The following LRRTM4 variants were observed in gnomAD, a reference collection of about 807,000 sequenced individuals.
LRRTM4 encodes the protein leucine rich repeat transmembrane neuronal 4.
LRRTM4 carries 25 observed loss-of-function variants against 47.6 expected under a neutral mutation model. That is an observed-to-expected ratio of 0.53 (90% CI 0.38 to 0.73). The LOEUF (loss-of-function observed/expected upper bound fraction) is 0.73. Among genes scored for constraint, LRRTM4 ranks in the 30% least tolerant of loss-of-function variants. The pLI, the probability that LRRTM4 is intolerant of heterozygous loss-of-function variation, is 0.00. For missense variants in LRRTM4, 638 were observed against 713.4 expected (o/e 0.89, Z 1.20); for synonymous variants, 311 against 269.5 (o/e 1.15, Z -1.51).
chr2:77,329,314 T>C (rs1670887221), intron 3 of LRRTM4, among the ~76,000 whole-genome samples: 1 of 152,220 alleles, frequency 6.6e-6, no homozygotes. Flanking sequence ...ATTTAGTGAA[T>C]GCCTAATGTG....
rs60785664 is a variant in LRRTM4, at chr2:77,469,385, G to GA, written c.1551+48932dup. Among the ~76,000 whole-genome samples, 471 of 152,026 alleles carry GA rather than the reference G, an allele frequency of 3.1e-3. 3 individuals are homozygous for GA. Among genetic ancestry groups the GA allele is most frequent in the African/African-American group, 0.011 (439 of 41,486 alleles). On this transcript the variant is annotated intron_variant, in intron 3 of 3. Transcript: ENST00000409884. ...AAGAGAGAATGTGTCAGGGGGGCAG[G>GA]AAAAAAATCCTACAAAGAATTCAAA...
At chr2:77,259,414 C>A (rs949757638) in intron 3 of LRRTM4, among the ~76,000 whole-genome samples, 4 of 152,016 alleles carry the variant, frequency 2.6e-5, no homozygotes, top group African/African-American at 4.8e-5. Flanking sequence ...CATAAATCAT[C>A]ATTATTTATA....
chr2:77,453,222 C>T (rs1315773046), intron 3 of LRRTM4, among the ~76,000 whole-genome samples: 1 of 131,836 alleles, frequency 7.6e-6, no homozygotes, highest in East Asian at 2.2e-4. Context: ...CGCTGTGTTG[C>T]CCAGGCTGGA....
In LRRTM4 at chr2:77,159,249, A is replaced by T. The variant is rs1336243980; in HGVS notation, c.1551+359069T>A. The stretch of plus-strand genomic sequence containing the variant: ...CCCAAAAACATAACCACTAATAGCC[A>T]CCTGTTGACCAGAAATCTTACTGAG... On this transcript the variant is annotated intron_variant, in intron 3 of 3. Coordinates refer to ENST00000409884, the MANE Select transcript of LRRTM4 (RefSeq NM_001134745.3). 2.6e-5 allele frequency among the ~76,000 whole-genome samples: 4 copies of T among 152,152 alleles called. No individual in the cohort carries two copies. In the East Asian group the frequency reaches 7.7e-4, roughly 29 times the overall value.
At chr2:77,248,103 T>A (rs1466277482) in intron 3 of LRRTM4, among the ~76,000 whole-genome samples, 1 of 150,954 alleles carries the variant, frequency 6.6e-6, no homozygotes, top group Non-Finnish European at 1.5e-5. Flanking sequence ...TACATAAATA[T>A]GTATATATTA....
chr2:77,079,799 T>A (rs1405072917), intron 3 of LRRTM4, among the ~76,000 whole-genome samples: 1 of 152,148 alleles, frequency 6.6e-6, no homozygotes, highest in Admixed American at 6.5e-5. Flanking sequence ...AATAGAATGA[T>A]GGTGATTTTT....
At chr2:77,163,351 T>C (rs900903803) in intron 3 of LRRTM4, among the ~76,000 whole-genome samples, 13 of 152,282 alleles carry the variant, frequency 8.5e-5, no homozygotes, top group East Asian at 7.7e-4. Context: ...CTACGTCTGA[T>C]TGGTGTACCT....
chr2:76,900,953 C>T (rs1299615585), intron 3 of LRRTM4, among the ~76,000 whole-genome samples: 2 of 152,048 alleles, frequency 1.3e-5, no homozygotes, highest in Non-Finnish European at 2.9e-5. Context: ...CATTTTCTAA[C>T]ATTTCTTTCT....
intron 3 of LRRTM4, among the ~76,000 whole-genome samples, chr2:76,786,535 A>ATCCTT (rs1674683264): frequency 6.6e-6 from 1 of 151,984 alleles, no homozygotes; most frequent in African/African-American, 2.4e-5. Flanking sequence ...AGCTCTTTGA[A>ATCCTT]GGAGTTGTCT....
intron 3 of LRRTM4, among the ~76,000 whole-genome samples, chr2:77,263,897 T>C (rs1675983188): frequency 1.3e-5 from 2 of 152,102 alleles, no homozygotes; most frequent in Non-Finnish European, 1.5e-5. Context: ...TTGAGGAGTG[T>C]TCTAATGTTT....
At chr2:77,001,838 A>G (rs528063960) in intron 3 of LRRTM4, among the ~76,000 whole-genome samples, 37 of 152,188 alleles carry the variant, frequency 2.4e-4, no homozygotes, top group East Asian at 1.4e-3. Flanking sequence ...TGCCTAAACA[A>G]TAACGGATCT....
chr2:77,492,311 G>A (rs1434782732), intron 3 of LRRTM4, among the ~76,000 whole-genome samples: 1 of 152,070 alleles, frequency 6.6e-6, no homozygotes, highest in Non-Finnish European at 1.5e-5. Flanking sequence ...TCGGGCTGGA[G>A]TGCCGTGGCA....
intron 3 of LRRTM4, among the ~76,000 whole-genome samples, chr2:76,898,553 C>CA (rs56345618): frequency 0.12 from 7,795 of 62,878 alleles, 499 homozygotes; most frequent in African/African-American, 0.15. Context: ...AGCTCCGTCT[C>CA]AAAAAAAAAA....
rs1677610309 is a variant in LRRTM4 at position 77,480,049 on chromosome 2, A to G, written c.1551+38269T>C. Among the ~76,000 whole-genome samples the G allele has an allele frequency of 1.3e-5, 2 of 152,166 alleles. 1 individual carries two copies. The highest frequency in any genetic ancestry group is 1.3e-4 in the Admixed American group (2 of 15,276). On this transcript the variant is annotated intron_variant, in intron 3 of 3. Coordinates refer to ENST00000409884, the MANE Select transcript of LRRTM4 (RefSeq NM_001134745.3). ...GATATCACCACCATCTAGAGGAGGA[A>G]GGTGAACTTCACAGAGCCAGAGCTC...
intron 3 of LRRTM4, among the ~76,000 whole-genome samples, chr2:77,294,859 T>C (rs1553423769): frequency 6.6e-6 from 1 of 152,186 alleles, no homozygotes; most frequent in Non-Finnish European, 1.5e-5. Flanking sequence ...GTAATGTACA[T>C]AGGATTTATA....
At chr2:77,514,069 C>CATAT (rs3980203) in intron 3 of LRRTM4, among the ~76,000 whole-genome samples, 24 of 151,744 alleles carry the variant, frequency 1.6e-4, no homozygotes, top group African/African-American at 5.3e-4. Context: ...CACACACACA[C>CATAT]ATATATATAT....
chr2:77,330,789 T>C (rs535566174), intron 3 of LRRTM4, among the ~76,000 whole-genome samples: 78 of 152,292 alleles, frequency 5.1e-4, no homozygotes, highest in African/African-American at 1.8e-3. Context: ...AGTAAAACTA[T>C]TAATTTGAAA....
intron 3 of LRRTM4, among the ~76,000 whole-genome samples, chr2:76,932,359 T>C (rs1262567541): frequency 6.6e-6 from 1 of 152,118 alleles, no homozygotes; most frequent in Non-Finnish European, 1.5e-5. Context: ...ACTCCTTGTC[T>C]CCTTCTTTCC....
At chr2:76,927,336 G>A (rs902626283) in intron 3 of LRRTM4, among the ~76,000 whole-genome samples, 62 of 152,192 alleles carry the variant, frequency 4.1e-4, no homozygotes, top group Admixed American at 4.1e-3. Context: ...ATGAGTTTTA[G>A]ACCTTGAGGG....
Sources: allele counts gnomAD v4.1 joint callset (sites outside exome capture counted in the v4.1 genomes callset), GRCh38; gene constraint gnomAD v4.1.1; transcripts MANE v1.5; gene names NCBI Gene and HGNC (gene_info 2026-07-23, HGNC 2026-07-21).